PXDNL: variants seen among roughly 807,000 people sequenced by gnomAD.
PXDNL encodes probable oxidoreductase PXDNL.
PXDNL carries 145 observed loss-of-function variants against 150.8 expected under a neutral mutation model. The observed-to-expected ratio is 0.96, with a 90% CI of 0.84 to 1.10. The LOEUF (loss-of-function observed/expected upper bound fraction) is 1.10, where lower values mean the gene tolerates loss of function less well. Ranked by LOEUF, PXDNL falls within the 50% of genes least tolerant of loss-of-function variation. PXDNL has a pLI of 0.00. For missense variants in PXDNL, 2,087 were observed against 1,873.9 expected (o/e 1.11, Z -2.10); for synonymous variants, 757 against 725.7 (o/e 1.04, Z -0.69).
chr8:51,710,582 T>C (rs918790488), intron 1 of PXDNL, among the ~76,000 whole-genome samples: 1 of 152,166 alleles, frequency 6.6e-6, no homozygotes, highest in African/African-American at 2.4e-5. Flanking sequence ...CTTTGACCAA[T>C]CTCTTCACAT....
At chr8:51,612,321 G>T (rs1194788028) in intron 2 of PXDNL, among the ~76,000 whole-genome samples, 1 of 152,150 alleles carries the variant, frequency 6.6e-6, no homozygotes, top group Non-Finnish European at 1.5e-5. Flanking sequence ...GAGGAGAAAG[G>T]CGAGTAAAAT....
In PXDNL at chr8:51,475,991, G is replaced by A. The variant is rs568532714; in HGVS notation, c.525-850C>T. 9.9e-5 allele frequency among the ~76,000 whole-genome samples: 15 copies of A among 152,258 alleles called. No individual in the cohort carries two copies. In the East Asian group the frequency reaches 2.7e-3, roughly 27 times the overall value. The stretch of plus-strand genomic sequence containing the variant: ...ACCCACCTATAGTCCCAGCCACTTG[G>A]GAGGCTGAGGTGGGAGAATCACTTG... On this transcript the variant is annotated intron_variant, in intron 6 of 22. Transcript: ENST00000356297.
intron 20 of PXDNL, chr8:51,340,280 T>G (rs1171862809): frequency 6.6e-6 from 1 of 152,174 alleles, no homozygotes; most frequent in East Asian, 1.9e-4. Context: ...AATAAAAGGA[T>G]ATAAGGAAAC....
intron 16 of PXDNL, among the ~76,000 whole-genome samples, chr8:51,410,501 G>T (rs942611314): frequency 6.6e-6 from 1 of 152,182 alleles, no homozygotes; most frequent in Non-Finnish European, 1.5e-5. Context: ...ATGCCAGTTA[G>T]TTAGAGAAAT....
chr8:51,531,920 TC>T (rs1307019574), intron 4 of PXDNL, among the ~76,000 whole-genome samples: 1 of 152,242 alleles, frequency 6.6e-6, no homozygotes, highest in Non-Finnish European at 1.5e-5. Flanking sequence ...ACCGTCATCA[TC>T]CACATTCAGT....
chr8:51,781,429 C>T (rs1011260743), intron 1 of PXDNL, among the ~76,000 whole-genome samples: 9 of 152,128 alleles, frequency 5.9e-5, no homozygotes, highest in African/African-American at 1.2e-4. Context: ...CTTTGGGCTG[C>T]GAAGTCACCA....
In PXDNL at chr8:51,372,046, G is replaced by A. The variant is rs774060778; in HGVS notation, c.3728C>T (p.Ala1243Val). 5.6e-6 allele frequency: 9 copies of A among 1,605,162 alleles called. No individual in the cohort carries two copies. The highest frequency in any genetic ancestry group is 7.7e-6 in the Non-Finnish European group (9 of 1,175,588). The stretch of plus-strand genomic sequence containing the variant: ...CGCCTGCTTCAGCTGAGTGAGTTGT[G>A]CCGGGGTAAATACTCCAGGGTTTTC... ...WYENPGVFTP[A>V]QLTQLKQASL... The change falls in exon 19 of 23, where the codon GCA becomes GTA. Residue 1243 changes from alanine to valine, a missense_variant. Transcript: ENST00000356297.
chr8:51,589,835 T>C (rs1345613155), intron 3 of PXDNL, among the ~76,000 whole-genome samples: 1 of 152,010 alleles, frequency 6.6e-6, no homozygotes, highest in Non-Finnish European at 1.5e-5. Context: ...AGGCTGGCCA[T>C]GTAAAGAGTA....
chr8:51,652,656 T>C (rs1028228700), intron 2 of PXDNL, among the ~76,000 whole-genome samples: 2 of 152,168 alleles, frequency 1.3e-5, no homozygotes, highest in Non-Finnish European at 2.9e-5. Flanking sequence ...TAAATTACAT[T>C]ACAGCCATGA....
At chr8:51,537,172 G>A (rs1455999523) in intron 4 of PXDNL, among the ~76,000 whole-genome samples, 1 of 152,028 alleles carries the variant, frequency 6.6e-6, no homozygotes, top group East Asian at 1.9e-4. Context: ...GAGTCTCTTG[G>A]GGAACTTTGA....
At chr8:51,500,145 A>G (rs560959164) in intron 4 of PXDNL, among the ~76,000 whole-genome samples, 21 of 152,380 alleles carry the variant, frequency 1.4e-4, no homozygotes, top group Admixed American at 7.8e-4. Context: ...ATACATTACA[A>G]GTGACCACAT....
At chr8:51,756,793 TG>T (rs200254197) in intron 1 of PXDNL, among the ~76,000 whole-genome samples, 1,899 of 152,238 alleles carry the variant, frequency 0.012, 27 homozygotes, top group Middle Eastern at 0.041. Context: ...AGTTTTAATT[TG>T]TTTTTTTTTA....
At chr8:51,590,436 T>A (rs2130651256) in intron 3 of PXDNL, among the ~76,000 whole-genome samples, 1 of 151,600 alleles carries the variant, frequency 6.6e-6, no homozygotes, top group Non-Finnish European at 1.5e-5. Context: ...CCTGGGAAGG[T>A]CATAGGCATG....
At chr8:51,529,136 A>T (rs11998133) in intron 4 of PXDNL, among the ~76,000 whole-genome samples, 11,078 of 152,228 alleles carry the variant, frequency 0.073, 771 homozygotes, top group East Asian at 0.23. Context: ...AACGTCAATC[A>T]CATCCCAGTT....
chr8:51,636,238 A>G (rs919361562), intron 2 of PXDNL, among the ~76,000 whole-genome samples: 4 of 152,190 alleles, frequency 2.6e-5, no homozygotes, highest in African/African-American at 9.6e-5. Context: ...AAAAATCCAG[A>G]TAACATTATA....
chr8:51,450,884 C>T lies in PXDNL; in HGVS notation c.1250-1766G>A, dbSNP rs374676361. On this transcript the variant is annotated intron_variant, in intron 10 of 22. Coordinates refer to ENST00000356297, the MANE Select transcript of PXDNL (RefSeq NM_144651.5). ...AGAAAAGATAGTAGAGAATCTGGGC[C>T]GCTCAACCCCCAGCCTGATGTTCTT... 1.6e-4 allele frequency among the ~76,000 whole-genome samples: 24 copies of T among 152,206 alleles called. 1 individual carries two copies. The highest frequency in any genetic ancestry group is 5.1e-4 in the African/African-American group (21 of 41,534).
chr8:51,718,981 G>C (rs1444527702), intron 1 of PXDNL, among the ~76,000 whole-genome samples: 1 of 152,074 alleles, frequency 6.6e-6, no homozygotes, highest in South Asian at 2.1e-4. Context: ...ACCCCATCTG[G>C]GAGGGAGGCG....
intron 19 of PXDNL, among the ~76,000 whole-genome samples, chr8:51,354,933 T>G (rs1280524288): frequency 2.8e-5 from 3 of 108,298 alleles, no homozygotes; most frequent in Non-Finnish European, 6.0e-5. Flanking sequence ...TTCTGTTTTG[T>G]ATCATTTCAG....
intron 2 of PXDNL, among the ~76,000 whole-genome samples, chr8:51,652,456 CACACAA>C (rs1396668097): frequency 1.3e-5 from 2 of 151,032 alleles, no homozygotes; most frequent in Non-Finnish European, 3.0e-5. Flanking sequence ...CACACACACA[CACACAA>C]ACACACACAC....
Sources: allele counts gnomAD v4.1 joint callset (sites outside exome capture counted in the v4.1 genomes callset), GRCh38; gene constraint gnomAD v4.1.1; transcripts MANE v1.5; gene names NCBI Gene and HGNC (gene_info 2026-07-23, HGNC 2026-07-21).